PRTG: variants seen among roughly 807,000 people sequenced by gnomAD.
PRTG encodes the protein protogenin, also known as immunoglobulin superfamily, DCC subclass, member 5.
Under a neutral mutation model 122.5 loss-of-function variants are expected in PRTG, and 67 were observed. The observed-to-expected ratio is 0.55, with a 90% confidence interval of 0.45 to 0.67. The LOEUF (loss-of-function observed/expected upper bound fraction) is 0.67, where lower values mean the gene tolerates loss of function less well. Among genes scored for constraint, PRTG ranks in the 30% least tolerant of loss-of-function variants. The pLI is 0.00. For missense variants in PRTG, 1,435 were observed against 1,415.4 expected (o/e 1.01, Z -0.22); for synonymous variants, 554 against 501.1 (o/e 1.11, Z -1.41).
At position 55,612,391 on chromosome 15, in the gene PRTG, A is replaced by C. The variant is rs2059124094; in HGVS notation, c.*7621T>G. ...ACTTACAAGCTATGAACTTAAGGAA[A>C]TCTGCAAAGCTGTTCAGAATAGTAT... On this transcript the variant is annotated 3_prime_UTR_variant, in exon 20 of 20. Coordinates refer to ENST00000389286, the MANE Select transcript of PRTG (RefSeq NM_173814.6). The C allele has an allele frequency of 6.6e-6, 1 of 151,986 alleles. No individual in the cohort carries two copies. The highest frequency in any genetic ancestry group is 2.1e-4 in the South Asian group (1 of 4,832). The allele number at this position is 151,986 out of a possible 1,614,324, so 9.4% of individuals were successfully genotyped here.
chr15:55,729,090 A>T (rs2031140205), intron 2 of PRTG, among the ~76,000 whole-genome samples: 1 of 152,248 alleles, frequency 6.6e-6, no homozygotes, highest in Non-Finnish European at 1.5e-5. Flanking sequence ...GAAAGTGAAA[A>T]GGCAAATGTT....
intron 11 of PRTG, among the ~76,000 whole-genome samples, chr15:55,644,892 A>G (rs1363447058): frequency 2.0e-5 from 3 of 152,200 alleles, no homozygotes; most frequent in African/African-American, 4.8e-5. Context: ...TACATTTTTC[A>G]TAAGTGAACT....
At chr15:55,653,411 C>T (rs1008591069) in intron 11 of PRTG, among the ~76,000 whole-genome samples, 1 of 152,052 alleles carries the variant, frequency 6.6e-6, no homozygotes, top group East Asian at 1.9e-4. Flanking sequence ...TTGTACGTGT[C>T]CTTTGAGAAT....
At chr15:55,689,448 AAC>A in intron 2 of PRTG, among the ~76,000 whole-genome samples, 1 of 152,266 alleles carries the variant, frequency 6.6e-6, no homozygotes, top group South Asian at 2.1e-4. Context: ...AGTCCCAACA[AAC>A]AGACTTGTTA....
At chr15:55,691,578 G>A (rs1000734770) in intron 2 of PRTG, among the ~76,000 whole-genome samples, 15 of 151,328 alleles carry the variant, frequency 9.9e-5, no homozygotes, top group Admixed American at 9.9e-4. Context: ...CTACTCAGGA[G>A]GCTGAGGCAG....
At chr15:55,666,687 C>A (rs1427771281) in intron 11 of PRTG, among the ~76,000 whole-genome samples, 2 of 152,174 alleles carry the variant, frequency 1.3e-5, no homozygotes, top group African/African-American at 4.8e-5. Context: ...CATACAGACA[C>A]AATTTTTAAA....
chr15:55,627,894 C>T (rs1170567003), intron 16 of PRTG, among the ~76,000 whole-genome samples: 1 of 152,100 alleles, frequency 6.6e-6, no homozygotes, highest in Non-Finnish European at 1.5e-5. Context: ...CTCTGACTCA[C>T]TAAGTCTGGG....
At chr15:55,695,061 T>C (rs2059624907) in intron 2 of PRTG, among the ~76,000 whole-genome samples, 1 of 152,212 alleles carries the variant, frequency 6.6e-6, no homozygotes, top group Non-Finnish European at 1.5e-5. Context: ...TAAGTGCCTA[T>C]TTTATTTGCG....
intron 2 of PRTG, among the ~76,000 whole-genome samples, chr15:55,702,697 C>T (rs936001193): frequency 6.6e-6 from 1 of 152,132 alleles, no homozygotes; most frequent in African/African-American, 2.4e-5. Context: ...AACCTAGAGC[C>T]CTCCTATTCC....
intron 2 of PRTG, among the ~76,000 whole-genome samples, chr15:55,715,352 C>G (rs1410082122): frequency 6.6e-6 from 1 of 152,172 alleles, no homozygotes; most frequent in Non-Finnish European, 1.5e-5. Context: ...CAGATAATCC[C>G]AACTGTGTTT....
rs186189756 is a variant in PRTG at position 55,667,440 on chromosome 15, T to C, written c.2041+5005A>G. ...TTTCTAAATTTTTCAAATATTAAGT[T>C]CTAAAATTTGAGTTGAGTATCAATC... is the stretch of plus-strand genomic sequence containing the variant. On this transcript the variant is annotated intron_variant, in intron 11 of 19. Coordinates refer to ENST00000389286, the MANE Select transcript of PRTG (RefSeq NM_173814.6). Among the ~76,000 whole-genome samples, 837 of 152,238 alleles carry C rather than the reference T, an allele frequency of 5.5e-3. 5 individuals are homozygous for C. Among genetic ancestry groups the C allele is most frequent in the Non-Finnish European group, 7.3e-3 (493 of 67,994 alleles).
rs1035637553 is a variant in PRTG at position 55,618,593 on chromosome 15, C to A, written c.*1419G>T. On this transcript the variant is annotated 3_prime_UTR_variant, in exon 20 of 20. Coordinates refer to ENST00000389286, the MANE Select transcript of PRTG (RefSeq NM_173814.6). The stretch of plus-strand genomic sequence containing the variant: ...TCAAACCTGCAAGAGGATTAACTCA[C>A]TCCTGGAGTTAGCATTCCTCATTCA... 3 of 152,144 alleles carry A rather than the reference C, an allele frequency of 2.0e-5. No individual in the cohort carries two copies. The highest frequency in any genetic ancestry group is 4.4e-5 in the Non-Finnish European group (3 of 68,028). 9.4% of individuals were successfully genotyped at this position (152,144 alleles called of 1,614,324 possible). A position where few individuals can be genotyped will look rare whatever the true frequency, so the allele number is the denominator to read the frequency against.
intron 14 of PRTG, 63 bp downstream of exon 14, chr15:55,638,486 A>C: frequency 1.5e-6 from 2 of 1,334,726 alleles, no homozygotes; most frequent in Non-Finnish European, 2.1e-6. Context: ...TGACATACAT[A>C]TTTTTAAAAC....
intron 2 of PRTG, among the ~76,000 whole-genome samples, chr15:55,687,357 T>C (rs994093964): frequency 6.6e-6 from 1 of 152,296 alleles, no homozygotes; most frequent in South Asian, 2.1e-4. Context: ...AACAAGCCAA[T>C]AGAGTGAAAA....
intron 11 of PRTG, among the ~76,000 whole-genome samples, chr15:55,665,292 C>T (rs1015131437): frequency 6.6e-6 from 1 of 151,588 alleles, no homozygotes; most frequent in Non-Finnish European, 1.5e-5. Context: ...AAGGCATAAA[C>T]CTAATGTCAA....
chr15:55,742,936 C>G lies in PRTG; in HGVS notation c.-5G>C. 2 of 1,513,918 alleles carry G rather than the reference C, an allele frequency of 1.3e-6. No homozygotes were observed. Among genetic ancestry groups the G allele is most frequent in the Non-Finnish European group, 1.8e-6 (2 of 1,130,660 alleles). The allele number at this position is 1,513,918 out of a possible 1,614,324, so 93.8% of individuals were successfully genotyped here. ...GGGTCGCAGAGGAGGCGCCATTCAG[C>G]GTAGCCGCGCGGGCATGCTCCCCGG... On this transcript the variant is annotated 5_prime_UTR_variant, in exon 1 of 20. Transcript: ENST00000389286.
chr15:55,733,397 C>A (rs2031303130), intron 2 of PRTG, among the ~76,000 whole-genome samples: 1 of 151,712 alleles, frequency 6.6e-6, no homozygotes, highest in Non-Finnish European at 1.5e-5. Context: ...GTAATCCCAG[C>A]TACCTGGGAG....
chr15:55,706,582 C>A (rs1267339693), intron 2 of PRTG, among the ~76,000 whole-genome samples: 5 of 99,294 alleles, frequency 5.0e-5, no homozygotes, highest in African/African-American at 1.2e-4. Flanking sequence ...TTGTCTCTAC[C>A]AAAAAAAAAA....
intron 14 of PRTG, among the ~76,000 whole-genome samples, chr15:55,638,288 A>T (rs558579686): frequency 6.6e-6 from 1 of 152,218 alleles, no homozygotes; most frequent in Non-Finnish European, 1.5e-5. Flanking sequence ...TGAACAGCAC[A>T]CCTGATCTTT....
Sources: gnomAD v4.1 joint callset for allele counts (sites outside exome capture counted in the v4.1 genomes callset) on GRCh38, gnomAD v4.1.1 for gene constraint, MANE v1.5 for transcripts, NCBI Gene and HGNC (gene_info 2026-07-23, HGNC 2026-07-21) for gene names.